Variants in DCC observed in about 807,000 individuals in gnomAD.
The protein encoded by DCC is netrin receptor DCC.
DCC carries 58 observed loss-of-function variants against 172.5 expected under a neutral mutation model. The ratio of observed to expected loss-of-function variants is 0.34; its 90% CI spans 0.27 to 0.42. DCC has a LOEUF of 0.42. DCC is among the 10% of genes least tolerant of loss of function. The pLI is 1.00. For missense variants in DCC, 1,740 were observed against 1,791.0 expected (o/e 0.97, Z 0.51); for synonymous variants, 709 against 644.5 (o/e 1.10, Z -1.52).
intron 1 of DCC, chr18:52,408,966 G>A (rs934763189): frequency 4.6e-5 from 7 of 152,042 alleles, no homozygotes; most frequent in Non-Finnish European, 8.8e-5. Context: ...AGATCCAAAA[G>A]CAGCTCACTT....
chr18:52,577,441 G>A (rs1456729616), intron 1 of DCC, among the ~76,000 whole-genome samples: 1 of 152,106 alleles, frequency 6.6e-6, no homozygotes, highest in Non-Finnish European at 1.5e-5. Flanking sequence ...GAAATAAAAT[G>A]CCACTTGAGA....
intron 28 of DCC, among the ~76,000 whole-genome samples, chr18:53,529,038 T>A (rs7237172): frequency 0.075 from 4,864 of 64,670 alleles, 222 homozygotes; most frequent in African/African-American, 0.15. Flanking sequence ...TCTCTCTCTC[T>A]CACACACACA....
At chr18:53,048,982 C>CT (rs1449316832) in intron 5 of DCC, among the ~76,000 whole-genome samples, 1 of 151,948 alleles carries the variant, frequency 6.6e-6, no homozygotes, top group African/African-American at 2.4e-5. Context: ...TGTATGTCTT[C>CT]TTTTGAACAG....
chr18:53,086,001 C>CTTATTATTATTATTATTATTATTA, intron 7 of DCC, among the ~76,000 whole-genome samples: 5 of 23,404 alleles, frequency 2.1e-4, no homozygotes, highest in African/African-American at 1.7e-3. Context: ...CCTTCTCCTT[C>CTTATTATTATTATTATTATTATTA]TTCTCCTTCT....
intron 2 of DCC, among the ~76,000 whole-genome samples, chr18:52,765,760 A>T (rs2037239622): frequency 6.6e-6 from 1 of 152,186 alleles, no homozygotes; most frequent in African/African-American, 2.4e-5. Context: ...GTGGGGTAAC[A>T]CGGTGGTTAG....
chr18:52,824,967 C>CATATATATATATATATATATATATAT (rs148347043), intron 2 of DCC, among the ~76,000 whole-genome samples: 5 of 148,364 alleles, frequency 3.4e-5, no homozygotes, highest in Admixed American at 1.3e-4. Context: ...GAGACTCCCT[C>CATATATATATATATATATATATATAT]ATATATATAT....
intron 27 of DCC, among the ~76,000 whole-genome samples, chr18:53,503,648 T>C (rs1279224571): frequency 6.6e-6 from 1 of 152,174 alleles, no homozygotes; most frequent in Non-Finnish European, 1.5e-5. Flanking sequence ...TCTTTACTAG[T>C]TAAAATTCCT....
intron 5 of DCC, among the ~76,000 whole-genome samples, chr18:52,974,800 C>T (rs960462671): frequency 6.6e-6 from 1 of 152,120 alleles, no homozygotes; most frequent in Non-Finnish European, 1.5e-5. Context: ...GAGGAAATTG[C>T]ACTGTGGGCA....
At chr18:52,519,925 C>T (rs2031759934) in intron 1 of DCC, among the ~76,000 whole-genome samples, 1 of 152,120 alleles carries the variant, frequency 6.6e-6, no homozygotes, top group African/African-American at 2.4e-5. Context: ...GAGGAAACTG[C>T]CTGTCATATT....
At chr18:53,294,517 A>C (rs543218851) in intron 12 of DCC, among the ~76,000 whole-genome samples, 1 of 152,334 alleles carries the variant, frequency 6.6e-6, no homozygotes, top group South Asian at 2.1e-4. Context: ...AACATGCCTA[A>C]GTTCAGAAAG....
chr18:52,522,566 C>T (rs2031854874), intron 1 of DCC, among the ~76,000 whole-genome samples: 1 of 152,136 alleles, frequency 6.6e-6, no homozygotes, highest in African/African-American at 2.4e-5. Flanking sequence ...TTACTTATAT[C>T]AAAAGTATCC....
Position 53,305,574 on chromosome 18 carries a change from A to G in DCC, c.1912-4A>G. On this transcript the variant is annotated splice_polypyrimidine_tract_variant and splice_region_variant and intron_variant, in intron 12 of 28. Coordinates refer to ENST00000442544, the MANE Select transcript of DCC (RefSeq NM_005215.4). ...TGTTTTAATTTACACCTATTATTTT[A>G]CAGAGTATCAAAGTTAGCTGGCTGC... 1.9e-6 allele frequency: 3 copies of G among 1,607,884 alleles called. No homozygotes were observed. The highest frequency in any genetic ancestry group is 2.6e-6 in the Non-Finnish European group (3 of 1,174,458).
chr18:52,706,821 A>G (rs1258538431), intron 1 of DCC, among the ~76,000 whole-genome samples: 1 of 152,202 alleles, frequency 6.6e-6, no homozygotes, highest in African/African-American at 2.4e-5. Flanking sequence ...ACTCTAAAAC[A>G]TGGTGAGAGT....
intron 1 of DCC, among the ~76,000 whole-genome samples, chr18:52,536,599 G>A (rs946818505): frequency 2.6e-5 from 4 of 151,628 alleles, no homozygotes. Flanking sequence ...CTCTAAACAG[G>A]GCTCTCAATC....
At chr18:53,503,560 A>G (rs2046131102) in intron 27 of DCC, among the ~76,000 whole-genome samples, 1 of 152,352 alleles carries the variant, frequency 6.6e-6, no homozygotes. Flanking sequence ...AATGTTTGAT[A>G]GAGTATTGGG....
chr18:52,751,687 A>G (rs1472016027), intron 1 of DCC, among the ~76,000 whole-genome samples: 1 of 152,200 alleles, frequency 6.6e-6, no homozygotes, highest in Non-Finnish European at 1.5e-5. Flanking sequence ...CAAAAGTCTT[A>G]GCTACCACAC....
intron 1 of DCC, among the ~76,000 whole-genome samples, chr18:52,459,195 T>TC (rs1988551557): frequency 6.6e-6 from 1 of 152,192 alleles, no homozygotes; most frequent in Non-Finnish European, 1.5e-5. Flanking sequence ...TCTTTAGAAT[T>TC]CTTTTTTAAC....
At chr18:53,078,139 C>T (rs1182781195) in intron 7 of DCC, among the ~76,000 whole-genome samples, 1 of 152,022 alleles carries the variant, frequency 6.6e-6, no homozygotes, top group Non-Finnish European at 1.5e-5. Context: ...TATAAGGAAT[C>T]ACAAATTAGA....
At chr18:52,403,483 G>A (rs978263507) in intron 1 of DCC, among the ~76,000 whole-genome samples, 1 of 151,968 alleles carries the variant, frequency 6.6e-6, no homozygotes, top group African/African-American at 2.4e-5. Context: ...TTTGATTCAT[G>A]GCTAGAGTGT....
Sources: allele counts gnomAD v4.1 joint callset (sites outside exome capture counted in the v4.1 genomes callset), GRCh38; gene constraint gnomAD v4.1.1; transcripts MANE v1.5; gene names NCBI Gene and HGNC (gene_info 2026-07-23, HGNC 2026-07-21).